C17orf99: variants seen among roughly 807,000 people sequenced by gnomAD.
C17orf99 encodes the protein protein IL-40.
Under a neutral mutation model 22.6 loss-of-function variants are expected in C17orf99, and 18 were observed. The ratio of observed to expected loss-of-function variants is 0.80; its 90% confidence interval spans 0.55 to 1.18. The LOEUF (loss-of-function observed/expected upper bound fraction) is 1.18. Ranked by LOEUF, C17orf99 falls within the 50% of genes most tolerant of loss-of-function variation. The pLI, the probability that C17orf99 is intolerant of heterozygous loss-of-function variation, is 0.00. For missense variants in C17orf99, 328 were observed against 342.7 expected (o/e 0.96, Z 0.34); for synonymous variants, 147 against 136.6 (o/e 1.08, Z -0.53).
At chr17:78,155,844 C>T (rs2075521095) in intron 2 of C17orf99, among the ~76,000 whole-genome samples, 1 of 151,254 alleles carries the variant, frequency 6.6e-6, no homozygotes, top group Admixed American at 6.6e-5. Flanking sequence ...CCAGGCTGGT[C>T]TTGAACTCCT....
chr17:78,165,060 G>A lies in C17orf99; in HGVS notation c.640+696G>A, dbSNP rs1170201214. 2.8e-6 allele frequency: 3 copies of A among 1,056,384 alleles called. No homozygotes were observed. In the South Asian group the frequency reaches 8.6e-5, roughly 30 times the overall value. 65.4% of individuals were successfully genotyped at this position (1,056,384 alleles called of 1,614,324 possible). ...GAACCACCTTGGGCAGTCTTTCCGA[G>A]GTGGTGGCAAGAGCCTGGGGCCCAG... On this transcript the variant is annotated intron_variant, in intron 4 of 4. Transcript: ENST00000340363.
chr17:78,149,259 CAGGCGG>C (rs1370272076), intron 2 of C17orf99, among the ~76,000 whole-genome samples: 1 of 143,478 alleles, frequency 7.0e-6, no homozygotes, highest in Non-Finnish European at 1.5e-5. Flanking sequence ...TTGAACCCGG[CAGGCGG>C]AGGTTGCAGT....
chr17:78,154,813 G>C lies in C17orf99; in HGVS notation c.71-6142G>C, dbSNP rs149888846. Among the ~76,000 whole-genome samples, 501 of 152,194 alleles carry C rather than the reference G, an allele frequency of 3.3e-3. 6 individuals carry two copies. Among genetic ancestry groups the C allele is most frequent in the African/African-American group, 0.011 (475 of 41,522 alleles). ...GACGAGATCACGACATTGCACTCCA[G>C]CCTGGGTAACAGAGTGAGACTCCAT... On this transcript the variant is annotated intron_variant, in intron 2 of 4. Coordinates refer to ENST00000340363, the MANE Select transcript of C17orf99 (RefSeq NM_001163075.2).
At chr17:78,146,376 TGCCCGA>T (rs2075437455), upstream of C17orf99, 5 of 1,548,034 alleles carry the variant, frequency 3.2e-6, no homozygotes, top group Non-Finnish European at 4.4e-6. This position sits in a 1 kb window ranked among gnomAD's most constrained non-coding sequence, Gnocchi z 5.2. Context: ...AGGTTCTCAC[TGCCCGA>T]GCAGAGGCCC....
In C17orf99 at chr17:78,146,674, G is replaced by T. The variant is rs997090082; in HGVS notation, c.38-205G>T. On this transcript the variant is annotated intron_variant, in intron 1 of 4. Coordinates refer to ENST00000340363, the MANE Select transcript of C17orf99 (RefSeq NM_001163075.2). The surrounding 1 kb of genome is among the most constrained non-coding windows in gnomAD (Gnocchi z 5.2). ...TTCTGGGCTCACTACTTACCCATCT[G>T]CGAAATGGGCGGATGAGAGGCGATG... is the stretch of plus-strand genomic sequence containing the variant. 1.3e-5 allele frequency among the ~76,000 whole-genome samples: 2 copies of T among 152,080 alleles called. No individual in the cohort carries two copies.
rs1469030517 is a variant in C17orf99, at chr17:78,152,772, C to G, written c.70+5861C>G. Among the ~76,000 whole-genome samples, 3 of 151,558 alleles carry G rather than the reference C, an allele frequency of 2.0e-5. No homozygotes were observed. The East Asian group carries it at 5.9e-4, about 30-fold the overall frequency. Reference sequence around the variant, plus strand: ...ATAGGAGTGAGCCACCACACCCAGACAAGCAGAAGAATTTTGAATTAAATG... The same window carrying G: ...ATAGGAGTGAGCCACCACACCCAGAGAAGCAGAAGAATTTTGAATTAAATG... On this transcript the variant is annotated intron_variant, in intron 2 of 4. Coordinates refer to ENST00000340363, the MANE Select transcript of C17orf99 (RefSeq NM_001163075.2).
rs1328482244 is a variant in C17orf99, at chr17:78,161,033, G to A, written c.149G>A (p.Cys50Tyr). The A allele has an allele frequency of 6.4e-7, 1 of 1,551,370 alleles. No individual in the cohort carries two copies. Among genetic ancestry groups the A allele is most frequent in the East Asian group, 2.4e-5 (1 of 40,940 alleles). The change falls in exon 3 of 5, where the codon TGT (cysteine) becomes TAT (tyrosine). Residue 50 changes from cysteine to tyrosine, a missense_variant. Physicochemically the swap from Cys to Tyr is radical, Grantham distance 194. Transcript: ENST00000340363. ...GGCCGCTGGGTGCTCATAACCTGCT[G>A]TGCACCCCAGCCACCACCGCCCATC... is the stretch of plus-strand genomic sequence containing the variant. ...PKGRWVLITC[C>Y]APQPPPPITY... is the part of the protein sequence containing the mutation.
intron 2 of C17orf99, chr17:78,157,396 C>T (rs978108194): frequency 2.6e-5 from 32 of 1,230,096 alleles, no homozygotes; most frequent in South Asian, 1.1e-4. Flanking sequence ...TCAGTGAGTT[C>T]GTGCGAGTTG....
In C17orf99 at chr17:78,165,954, T is replaced by C; in HGVS notation, c.706T>C (p.Tyr236His). ...LESPILALPLYRSTRRLSEEE... is the reference protein window; with the variant it reads ...LESPILALPLHRSTRRLSEEE... ...GAGCCCCATCCTTGCCTTGCCGCTC[T>C]ACAGGAGCACCCGCCGTCTGAGTGA... is the stretch of plus-strand genomic sequence containing the variant. Residue 236 changes from tyrosine to histidine, a missense_variant, in exon 5 of 5, where the codon TAC (tyrosine) becomes CAC (histidine). By Grantham distance (83) the Tyr-to-His change is moderately conservative (BLOSUM62 2). Coordinates refer to ENST00000340363, the MANE Select transcript of C17orf99 (RefSeq NM_001163075.2). 6.6e-7 allele frequency: 1 copy of C among 1,504,862 alleles called. No individual in the cohort carries two copies. Among genetic ancestry groups the C allele is most frequent in the Non-Finnish European group, 8.9e-7 (1 of 1,117,584 alleles). The allele number at this position is 1,504,862 out of a possible 1,614,324, so 93.2% of individuals were successfully genotyped here.
chr17:78,157,303 C>T lies in C17orf99; in HGVS notation c.71-3652C>T, dbSNP rs377756085. Reference sequence around the variant, plus strand: ...ACACGGTGAAAACCCATCTCAGGTGCCTGCGTACTAAGACCTGTGTTCAGC... The same window carrying T: ...ACACGGTGAAAACCCATCTCAGGTGTCTGCGTACTAAGACCTGTGTTCAGC... On this transcript the variant is annotated intron_variant, in intron 2 of 4. Coordinates refer to ENST00000340363, the MANE Select transcript of C17orf99 (RefSeq NM_001163075.2). The T allele has an allele frequency of 1.0e-3, 430 of 421,440 alleles. 4 individuals carry two copies. Among genetic ancestry groups the T allele is most frequent in the South Asian group, 8.5e-3 (420 of 49,446 alleles). The allele number at this position is 421,440 out of a possible 1,614,324, so 26.1% of individuals were successfully genotyped here. A position where few individuals can be genotyped will look rare whatever the true frequency, so the allele number is the denominator to read the frequency against.
At chr17:78,163,010 C>G (rs1355875705) in intron 3 of C17orf99, among the ~76,000 whole-genome samples, 2 of 152,210 alleles carry the variant, frequency 1.3e-5, no homozygotes, top group Admixed American at 1.3e-4. Context: ...GTCTCAAACT[C>G]CTGACCTCAA....
chr17:78,151,017 G>T (rs979143934), intron 2 of C17orf99, among the ~76,000 whole-genome samples: 1 of 152,040 alleles, frequency 6.6e-6, no homozygotes, highest in Non-Finnish European at 1.5e-5. Context: ...CAGCTACTCA[G>T]GAGGCTGAGG....
At chr17:78,156,856 G>A (rs1484065424) in intron 2 of C17orf99, among the ~76,000 whole-genome samples, 9 of 151,890 alleles carry the variant, frequency 5.9e-5, no homozygotes, top group Non-Finnish European at 8.8e-5. Context: ...CAAGCAATCC[G>A]TCCACCTCAG....
At chr17:78,155,879 G>A (rs546533233) in intron 2 of C17orf99, among the ~76,000 whole-genome samples, 8 of 151,348 alleles carry the variant, frequency 5.3e-5, no homozygotes, top group African/African-American at 9.7e-5. Flanking sequence ...CACCTGCCTC[G>A]GCCTCACAGT....
chr17:78,148,437 G>A (rs559053602), intron 2 of C17orf99, among the ~76,000 whole-genome samples: 1 of 152,272 alleles, frequency 6.6e-6, no homozygotes, highest in East Asian at 1.9e-4. Flanking sequence ...GCTGAGGTGG[G>A]AGGATTGCTT....
intron 2 of C17orf99, chr17:78,157,490 T>G: frequency 8.0e-7 from 1 of 1,249,712 alleles, no homozygotes. Context: ...AATGCAGTCC[T>G]CAGCATTGTG....
intron 2 of C17orf99, among the ~76,000 whole-genome samples, chr17:78,150,995 C>T (rs913853410): frequency 3.3e-5 from 5 of 151,598 alleles, no homozygotes; most frequent in African/African-American, 1.2e-4. Flanking sequence ...TGGTGGCAGG[C>T]GCCTGTAATC....
At chr17:78,151,222 C>T (rs1335321712) in intron 2 of C17orf99, among the ~76,000 whole-genome samples, 7 of 149,834 alleles carry the variant, frequency 4.7e-5, no homozygotes, top group African/African-American at 1.5e-4. Context: ...GTCAGATGTT[C>T]CAGACCAGCC....
intron 2 of C17orf99, among the ~76,000 whole-genome samples, chr17:78,149,628 G>A (rs1017458968): frequency 6.6e-6 from 1 of 152,126 alleles, no homozygotes; most frequent in Admixed American, 6.6e-5. Context: ...TAACCGCCAG[G>A]GCTTAATCAA....
Sources: allele counts gnomAD v4.1 joint callset (sites outside exome capture counted in the v4.1 genomes callset), GRCh38; gene constraint gnomAD v4.1.1; non-coding constraint Gnocchi (gnomAD v3.1); transcripts MANE v1.5; gene names NCBI Gene and HGNC (gene_info 2026-07-23, HGNC 2026-07-21).